The following CDH13 variants were observed in gnomAD, a reference collection of about 807,000 sequenced individuals.
The protein encoded by CDH13 is cadherin 13, also known as cadherin-13.
Under a neutral mutation model 63.8 loss-of-function variants are expected in CDH13, and 24 were observed. The observed-to-expected ratio is 0.38, with a 90% CI of 0.27 to 0.53. The LOEUF is 0.53. CDH13 is among the 20% of genes least tolerant of loss of function. The pLI, the probability that CDH13 is intolerant of heterozygous loss-of-function variation, is 0.85. For synonymous variants in CDH13, 503 were observed against 355.3 expected (o/e 1.42, Z -4.67); for missense variants, 1,049 against 903.1 (o/e 1.16, Z -2.07).
chr16:82,743,167 C>T (rs1184067599), intron 1 of CDH13, among the ~76,000 whole-genome samples: 1 of 152,016 alleles, frequency 6.6e-6, no homozygotes. Flanking sequence ...TTGTCTTTAT[C>T]TTCTGGGCAA....
chr16:83,192,247 T>C (rs12446981), intron 4 of CDH13, among the ~76,000 whole-genome samples: 2,244 of 152,258 alleles, frequency 0.015, 88 homozygotes, highest in South Asian at 0.12. Context: ...CTGTAAACAC[T>C]GTACTTGACC....
chr16:83,287,660 G>C (rs888145465), intron 5 of CDH13, among the ~76,000 whole-genome samples: 1 of 152,050 alleles, frequency 6.6e-6, no homozygotes, highest in African/African-American at 2.4e-5. Flanking sequence ...TCTACATTAT[G>C]ATGACTTATA....
chr16:82,883,745 T>C (rs956049458), intron 2 of CDH13, among the ~76,000 whole-genome samples: 1 of 152,196 alleles, frequency 6.6e-6, no homozygotes, highest in Non-Finnish European at 1.5e-5. Flanking sequence ...TGCTGTGCTG[T>C]CTCTAGAGAG....
intron 1 of CDH13, chr16:82,824,976 A>G (rs540857721): frequency 6.6e-5 from 10 of 151,332 alleles, no homozygotes; most frequent in African/African-American, 2.5e-4. Flanking sequence ...TTATAGATGA[A>G]ATCATATGAT....
At chr16:83,235,870 G>A (rs2040129045) in intron 5 of CDH13, among the ~76,000 whole-genome samples, 4 of 151,914 alleles carry the variant, frequency 2.6e-5, no homozygotes. Flanking sequence ...CACTGCATTC[G>A]AGGTCCTTAA....
At chr16:82,668,741 G>T (rs534289021) in intron 1 of CDH13, among the ~76,000 whole-genome samples, 2 of 152,236 alleles carry the variant, frequency 1.3e-5, no homozygotes, top group South Asian at 4.1e-4. Flanking sequence ...TCAGTAACTT[G>T]GGCCTCCTGG....
chr16:83,182,745 T>G (rs911861677), intron 4 of CDH13, among the ~76,000 whole-genome samples: 1 of 152,244 alleles, frequency 6.6e-6, no homozygotes, highest in Non-Finnish European at 1.5e-5. Flanking sequence ...GTAACACTAA[T>G]GGGAATGAGC....
chr16:83,201,821 A>C (rs1451476594), intron 4 of CDH13, among the ~76,000 whole-genome samples: 1 of 151,988 alleles, frequency 6.6e-6, no homozygotes, highest in African/African-American at 2.4e-5. Flanking sequence ...GGAGGCTGAG[A>C]CAAGAATGGC....
chr16:83,674,023 A>C (rs1182647853), intron 9 of CDH13, among the ~76,000 whole-genome samples: 1 of 152,162 alleles, frequency 6.6e-6, no homozygotes, highest in Non-Finnish European at 1.5e-5. Flanking sequence ...CTTGAGTTCT[A>C]TCTGTCTCTC....
intron 5 of CDH13, among the ~76,000 whole-genome samples, chr16:83,271,407 T>C (rs1457481605): frequency 4.8e-5 from 3 of 62,646 alleles, no homozygotes; most frequent in Non-Finnish European, 9.1e-5. Flanking sequence ...CTACCGCACA[T>C]TGAGGCAGAG....
intron 6 of CDH13, among the ~76,000 whole-genome samples, chr16:83,423,135 T>G (rs1374869134): frequency 6.6e-6 from 1 of 152,192 alleles, no homozygotes; most frequent in Non-Finnish European, 1.5e-5. Context: ...ATATTGACCC[T>G]GTATGTAGAA....
chr16:83,596,826 G>C (rs1187231346), intron 7 of CDH13, among the ~76,000 whole-genome samples: 1 of 152,170 alleles, frequency 6.6e-6, no homozygotes, highest in Non-Finnish European at 1.5e-5. Flanking sequence ...CGGTTTTGGG[G>C]ATTTTGTTAC....
intron 1 of CDH13, among the ~76,000 whole-genome samples, chr16:82,774,344 T>A (rs1445329556): frequency 6.6e-6 from 1 of 150,954 alleles, no homozygotes; most frequent in African/African-American, 2.4e-5. Context: ...TTTTCATTTC[T>A]ACATGGCTTG....
intron 2 of CDH13, among the ~76,000 whole-genome samples, chr16:82,920,230 T>A (rs142181516): frequency 3.9e-5 from 6 of 152,330 alleles, no homozygotes; most frequent in Non-Finnish European, 8.8e-5. Context: ...GTTGGCTCCA[T>A]TCCCCATGCG....
intron 2 of CDH13, among the ~76,000 whole-genome samples, chr16:83,026,455 G>C (rs917501121): frequency 6.6e-6 from 1 of 152,100 alleles, no homozygotes; most frequent in African/African-American, 2.4e-5. Context: ...TCTCATTGGG[G>C]CTATATTTCC....
intron 10 of CDH13, chr16:83,710,324 C>G (rs1425578912): frequency 6.6e-6 from 1 of 152,224 alleles, no homozygotes; most frequent in Non-Finnish European, 1.5e-5. Context: ...TGGCTTAAAA[C>G]CTGTTCAAGG....
At chr16:82,717,919 G>C (rs1237502209) in intron 1 of CDH13, among the ~76,000 whole-genome samples, 1 of 152,160 alleles carries the variant, frequency 6.6e-6, no homozygotes, top group Non-Finnish European at 1.5e-5. Flanking sequence ...CACAAACCAA[G>C]ATGAGTTTCC....
At chr16:82,695,031 G>T (rs1469181338) in intron 1 of CDH13, among the ~76,000 whole-genome samples, 1 of 152,102 alleles carries the variant, frequency 6.6e-6, no homozygotes, top group Non-Finnish European at 1.5e-5. Context: ...CAGTGGAGGA[G>T]CTAAGTATCC....
At chr16:83,034,009 G>C (rs1014193492) in intron 3 of CDH13, among the ~76,000 whole-genome samples, 6 of 152,218 alleles carry the variant, frequency 3.9e-5, no homozygotes, top group Admixed American at 3.9e-4. Context: ...GGGTCACACA[G>C]CTGGGAGCAG....
Sources: gnomAD v4.1 joint callset for allele counts (sites outside exome capture counted in the v4.1 genomes callset) on GRCh38, gnomAD v4.1.1 for gene constraint, MANE v1.5 for transcripts, NCBI Gene and HGNC (gene_info 2026-07-23, HGNC 2026-07-21) for gene names.